The following ZNF536 variants were observed in gnomAD, a reference collection of about 807,000 sequenced individuals.
The protein encoded by ZNF536 is zinc finger protein 536.
ZNF536 carries 13 observed loss-of-function variants against 84.5 expected under a neutral mutation model. The observed-to-expected ratio is 0.15, with a 90% CI of 0.10 to 0.24. The LOEUF (loss-of-function observed/expected upper bound fraction) is 0.24, where lower values mean the gene tolerates loss of function less well. Among genes scored for constraint, ZNF536 ranks in the 10% least tolerant of loss-of-function variants. The pLI, the probability that ZNF536 is intolerant of heterozygous loss-of-function variation, is 1.00. For synonymous variants in ZNF536, 811 were observed against 742.5 expected (o/e 1.09, Z -1.50); for missense variants, 1,536 against 1,747.5 (o/e 0.88, Z 2.16).
chr19:30,599,016 TTCC>T (rs2047574339), intron 1 of ZNF536, among the ~76,000 whole-genome samples: 2 of 87,232 alleles, frequency 2.3e-5, no homozygotes, highest in South Asian at 5.4e-4. Flanking sequence ...TCCCTCTTCC[TTCC>T]TCCCTCCCTC....
intron 1 of ZNF536, among the ~76,000 whole-genome samples, chr19:30,240,131 G>A (rs2023831226): frequency 1.3e-5 from 2 of 152,142 alleles, no homozygotes; most frequent in Non-Finnish European, 2.9e-5. Flanking sequence ...CACTTTGAGA[G>A]GCCGAGGCGA....
chr19:30,680,715 A>G (rs541747198), intron 1 of ZNF536, among the ~76,000 whole-genome samples: 1 of 152,244 alleles, frequency 6.6e-6, no homozygotes, highest in Non-Finnish European at 1.5e-5. Context: ...ATAAACATAC[A>G]TGTGTATGTG....
intron 1 of ZNF536, among the ~76,000 whole-genome samples, chr19:30,599,737 A>G (rs2047614742): frequency 6.6e-6 from 1 of 152,142 alleles, no homozygotes; most frequent in Non-Finnish European, 1.5e-5. Context: ...AATGGCAGAC[A>G]GTCGAGGACC....
chr19:30,535,201 G>A (rs534881979), intron 3 of ZNF536, among the ~76,000 whole-genome samples: 4 of 152,330 alleles, frequency 2.6e-5, no homozygotes, highest in Non-Finnish European at 4.4e-5. Flanking sequence ...CCTCGCAAAT[G>A]ACTCAGGGAC....
At chr19:30,613,362 G>C (rs1224530939) in intron 1 of ZNF536, among the ~76,000 whole-genome samples, 2 of 152,180 alleles carry the variant, frequency 1.3e-5, no homozygotes, top group East Asian at 3.8e-4. Context: ...CAATTATTAT[G>C]ATGATAGTCC....
At chr19:30,629,540 C>T (rs542315786) in intron 1 of ZNF536, among the ~76,000 whole-genome samples, 51 of 152,308 alleles carry the variant, frequency 3.3e-4, no homozygotes, top group African/African-American at 1.2e-3. Context: ...ACGAAGTGGA[C>T]GTCCTTATTA....
At chr19:30,284,969 A>G (rs1211476867) in intron 2 of ZNF536, among the ~76,000 whole-genome samples, 1 of 152,204 alleles carries the variant, frequency 6.6e-6, no homozygotes, top group Non-Finnish European at 1.5e-5. Flanking sequence ...ATTTTTACAC[A>G]ACAGTTATAT....
intron 1 of ZNF536, among the ~76,000 whole-genome samples, chr19:30,595,314 G>GTC (rs1192361570): frequency 6.6e-6 from 1 of 152,008 alleles, no homozygotes; most frequent in African/African-American, 2.4e-5. Flanking sequence ...AAGAGATAGA[G>GTC]TCTCTCTCTC....
chr19:30,262,792 T>C (rs1300902642), intron 1 of ZNF536, among the ~76,000 whole-genome samples: 1 of 152,176 alleles, frequency 6.6e-6, no homozygotes, highest in Non-Finnish European at 1.5e-5. Context: ...CCACACTGCC[T>C]CCTTGTTTGT....
At chr19:30,523,255 G>A (rs545489661) in intron 2 of ZNF536, among the ~76,000 whole-genome samples, 5 of 152,146 alleles carry the variant, frequency 3.3e-5, no homozygotes, top group Non-Finnish European at 5.9e-5. Flanking sequence ...TACATATGAC[G>A]CGTTGCTTTG....
chr19:30,678,336 G>T (rs1273752483), intron 1 of ZNF536, among the ~76,000 whole-genome samples: 2 of 152,124 alleles, frequency 1.3e-5, no homozygotes, highest in Non-Finnish European at 2.9e-5. Context: ...AGAGGCTCAC[G>T]GCCTTTCTGG....
chr19:30,560,702 A>G (rs538819586), downstream of ZNF536, among the ~76,000 whole-genome samples: 19 of 152,292 alleles, frequency 1.2e-4, no homozygotes, highest in South Asian at 3.5e-3. Flanking sequence ...CCACTTTTCT[A>G]TTTACACATG....
intron 1 of ZNF536, among the ~76,000 whole-genome samples, chr19:30,660,062 T>C (rs2050069388): frequency 6.6e-6 from 1 of 152,110 alleles, no homozygotes; most frequent in South Asian, 2.1e-4. Flanking sequence ...AAGCCACAGA[T>C]AACTTGTCTA....
chr19:30,696,732 C>T (rs1344951339), intron 1 of ZNF536, among the ~76,000 whole-genome samples: 1 of 152,120 alleles, frequency 6.6e-6, no homozygotes, highest in African/African-American at 2.4e-5. Flanking sequence ...GAAGAGTAGC[C>T]CTGAAGCCAA....
At chr19:30,526,246 C>T (rs969754357) in intron 2 of ZNF536, among the ~76,000 whole-genome samples, 10 of 152,222 alleles carry the variant, frequency 6.6e-5, no homozygotes, top group Non-Finnish European at 8.8e-5. Context: ...AGTCTCTAGC[C>T]TGGGGACTGA....
chr19:30,340,582 G>T (rs1024318130), intron 2 of ZNF536, among the ~76,000 whole-genome samples: 6 of 152,152 alleles, frequency 3.9e-5, no homozygotes, highest in Non-Finnish European at 8.8e-5. Context: ...ATCTGCTCAG[G>T]CACCTTCGCA....
At chr19:30,395,708 C>T (rs569259725) in intron 1 of ZNF536, among the ~76,000 whole-genome samples, 5 of 152,296 alleles carry the variant, frequency 3.3e-5, no homozygotes, top group African/African-American at 1.2e-4. Flanking sequence ...AAAGATCTAC[C>T]TTTCTCCATA....
At chr19:30,555,610 CTCA>C (rs2045937001) in intron 4 of ZNF536, 1 of 152,208 alleles carries the variant, frequency 6.6e-6, no homozygotes, top group Non-Finnish European at 1.5e-5. Flanking sequence ...CCTGCCCTGC[CTCA>C]GTCTTTGACC....
At chr19:30,580,611 G>C (rs746666521) in intron 1 of ZNF536, among the ~76,000 whole-genome samples, 2 of 152,188 alleles carry the variant, frequency 1.3e-5, no homozygotes, top group African/African-American at 2.4e-5. Flanking sequence ...AGGAGGCTGA[G>C]GAGCTGCTGT....
Sources: allele counts gnomAD v4.1 joint callset (sites outside exome capture counted in the v4.1 genomes callset), GRCh38; gene constraint gnomAD v4.1.1; transcripts MANE v1.5; gene names NCBI Gene and HGNC (gene_info 2026-07-23, HGNC 2026-07-21).